The following AUTS2 variants were observed in gnomAD, a reference collection of about 807,000 sequenced individuals.
The protein encoded by AUTS2 is activator of transcription and developmental regulator AUTS2.
A neutral mutation model predicts 112.4 loss-of-function variants in AUTS2; 17 were observed. That is an observed-to-expected ratio of 0.15 (90% CI 0.10 to 0.23). The LOEUF (loss-of-function observed/expected upper bound fraction) is 0.23, where lower values mean the gene tolerates loss of function less well. AUTS2 is among the 10% of genes least tolerant of loss of function. AUTS2 has a pLI of 1.00. For synonymous variants in AUTS2, 751 were observed against 702.7 expected, an observed-to-expected ratio of 1.07 and a Z score of -1.09; for missense variants, 1,510 against 1,701.6, an observed-to-expected ratio of 0.89 and a Z score of 1.98.
At position 70,381,427 on chromosome 7, in the gene AUTS2, C is replaced by A. The variant is rs377154366; in HGVS notation, c.661-54325C>A. ...CTATACTTCAAGGAAAAAGTCAAAT[C>A]AACTTATTTATGGAGCTACAATTTA... is the stretch of plus-strand genomic sequence containing the variant. On this transcript the variant is annotated intron_variant, in intron 4 of 18. Coordinates refer to ENST00000342771, the MANE Select transcript of AUTS2 (RefSeq NM_015570.4). Among the ~76,000 whole-genome samples, 139 of 152,294 alleles carry A rather than the reference C, an allele frequency of 9.1e-4. 8 individuals are homozygous for A. In the South Asian group the frequency reaches 0.025, roughly 27 times the overall value.
chr7:70,456,400 T>G (rs1190445035), intron 5 of AUTS2, among the ~76,000 whole-genome samples: 1 of 152,280 alleles, frequency 6.6e-6, no homozygotes, highest in East Asian at 1.9e-4. Context: ...ATGAACATGT[T>G]TGCTCTTAAT....
rs563180808 is a variant in AUTS2 at position 70,679,137 on chromosome 7, GT to G, written c.691-19427del. Reference sequence around the variant, plus strand: ...ATCAATGGAGGAAGTCAAGCAAAGAGTTTTTGGGTGTTATTCTCACCATCTA... The same window carrying G: ...ATCAATGGAGGAAGTCAAGCAAAGAGTTTTGGGTGTTATTCTCACCATCTA... On this transcript the variant is annotated intron_variant, in intron 5 of 18. Coordinates refer to ENST00000342771, the MANE Select transcript of AUTS2 (RefSeq NM_015570.4). Among the ~76,000 whole-genome samples, 15 of 152,266 alleles carry G rather than the reference GT, an allele frequency of 9.9e-5. No homozygotes were observed. In the East Asian group the frequency reaches 2.7e-3, roughly 27 times the overall value.
chr7:69,725,227 AC>A (rs2129221994), intron 1 of AUTS2, among the ~76,000 whole-genome samples: 1 of 152,270 alleles, frequency 6.6e-6, no homozygotes, highest in African/African-American at 2.4e-5. Context: ...TATATCAAAC[AC>A]TTACTGTATG....
chr7:70,692,176 ATC>A (rs1808789745), intron 5 of AUTS2, among the ~76,000 whole-genome samples: 1 of 152,134 alleles, frequency 6.6e-6, no homozygotes, highest in Non-Finnish European at 1.5e-5. Flanking sequence ...ACTGATGACA[ATC>A]TAATGCAAGG....
chr7:70,132,904 G>A (rs1307165936), intron 3 of AUTS2, among the ~76,000 whole-genome samples: 1 of 152,040 alleles, frequency 6.6e-6, no homozygotes, highest in East Asian at 1.9e-4. Flanking sequence ...ACTTCCCAGG[G>A]GCATGACTCC....
At chr7:70,171,993 G>A (rs764055898) in intron 4 of AUTS2, among the ~76,000 whole-genome samples, 3 of 152,010 alleles carry the variant, frequency 2.0e-5, no homozygotes, top group East Asian at 1.9e-4. Flanking sequence ...TCTGGGGTCA[G>A]ATGATTGCAG....
chr7:70,730,692 C>T (rs1787334682), intron 6 of AUTS2, among the ~76,000 whole-genome samples: 1 of 151,920 alleles, frequency 6.6e-6, no homozygotes, highest in African/African-American at 2.4e-5. Flanking sequence ...TTTTTGGCTA[C>T]TTTGAATAAT....
chr7:70,643,528 G>A (rs532519469), intron 5 of AUTS2, among the ~76,000 whole-genome samples: 22 of 152,208 alleles, frequency 1.4e-4, no homozygotes, highest in Admixed American at 1.1e-3. Flanking sequence ...CTGGGATTAC[G>A]CCACTGCACT....
intron 4 of AUTS2, among the ~76,000 whole-genome samples, chr7:70,197,015 TTTC>T (rs751253866): frequency 6.6e-6 from 1 of 152,198 alleles, no homozygotes; most frequent in African/African-American, 2.4e-5. Flanking sequence ...ATTAATAACT[TTTC>T]TTTGTGCCAC....
chr7:70,197,256 T>G (rs1026539077), intron 4 of AUTS2, among the ~76,000 whole-genome samples: 3 of 142,576 alleles, frequency 2.1e-5, no homozygotes, highest in Admixed American at 7.0e-5. Flanking sequence ...GCCAAAATTC[T>G]TAGTCCACAC....
intron 1 of AUTS2, among the ~76,000 whole-genome samples, chr7:69,705,561 G>A (rs576039971): frequency 5.9e-5 from 9 of 152,274 alleles, no homozygotes; most frequent in Admixed American, 5.9e-4. Context: ...ACCTAGGGAC[G>A]GCCTGACTGA....
chr7:70,028,195 C>T (rs1800612628), intron 2 of AUTS2, among the ~76,000 whole-genome samples: 1 of 152,104 alleles, frequency 6.6e-6, no homozygotes, highest in Admixed American at 6.6e-5. Context: ...CTGGCTTCCT[C>T]CCTCTCTGCT....
At chr7:69,631,413 T>A (rs1043480346) in intron 1 of AUTS2, among the ~76,000 whole-genome samples, 7 of 152,252 alleles carry the variant, frequency 4.6e-5, no homozygotes, top group Admixed American at 1.3e-4. Flanking sequence ...GTTTAACATC[T>A]GGGTCAGGGT....
intron 5 of AUTS2, among the ~76,000 whole-genome samples, chr7:70,600,068 G>T (rs1803399024): frequency 6.6e-6 from 1 of 152,192 alleles, no homozygotes; most frequent in East Asian, 1.9e-4. Context: ...CTAGGGTGGG[G>T]CTCAGCAACC....
intron 5 of AUTS2, among the ~76,000 whole-genome samples, chr7:70,577,835 T>A (rs932041230): frequency 2.6e-5 from 4 of 151,752 alleles, no homozygotes; most frequent in Admixed American, 6.6e-5. Flanking sequence ...TTCTTTATTT[T>A]TTTTTTATTT....
intron 4 of AUTS2, among the ~76,000 whole-genome samples, chr7:70,384,291 A>G (rs1793510710): frequency 6.6e-6 from 1 of 152,212 alleles, no homozygotes; most frequent in South Asian, 2.1e-4. Flanking sequence ...ACTCAGACGC[A>G]CTGACTGTTG....
At chr7:70,688,746 C>T (rs982694732) in intron 5 of AUTS2, among the ~76,000 whole-genome samples, 19 of 152,170 alleles carry the variant, frequency 1.2e-4, no homozygotes, top group African/African-American at 4.6e-4. Flanking sequence ...ACCCCGTGAG[C>T]CTAGTAGTTG....
At chr7:70,773,911 C>A in intron 11 of AUTS2, 117 bp from the exon 12 acceptor site, 1 of 959,206 alleles carries the variant, frequency 1.0e-6, no homozygotes, top group Non-Finnish European at 1.6e-6. Context: ...TCTTGCGTTT[C>A]AGAAGGAAAC....
At chr7:70,505,175 C>T (rs548794829) in intron 5 of AUTS2, among the ~76,000 whole-genome samples, 3 of 152,296 alleles carry the variant, frequency 2.0e-5, no homozygotes, top group South Asian at 2.1e-4. Flanking sequence ...TATTTCTATG[C>T]GTTCATTAGC....
Sources: allele counts gnomAD v4.1 joint callset (sites outside exome capture counted in the v4.1 genomes callset), GRCh38; gene constraint gnomAD v4.1.1; transcripts MANE v1.5; gene names NCBI Gene and HGNC (gene_info 2026-07-23, HGNC 2026-07-21).